Variants in AGAP1 observed in about 807,000 individuals in gnomAD.
The protein encoded by AGAP1 is ArfGAP with GTPase domain, ankyrin repeat and PH domain 1.
Under a neutral mutation model 105.3 loss-of-function variants are expected in AGAP1, and 29 were observed. That is an observed-to-expected ratio of 0.28 (90% CI 0.21 to 0.38). The LOEUF is 0.38. AGAP1 is among the 10% of genes least tolerant of loss of function. The pLI, the probability that AGAP1 is intolerant of heterozygous loss-of-function variation, is 1.00. For missense variants in AGAP1, 998 were observed against 1,165.1 expected (o/e 0.86, Z 2.09); for synonymous variants, 509 against 485.9 (o/e 1.05, Z -0.63).
chr2:235,561,668 A>T (rs1944157419), intron 1 of AGAP1, among the ~76,000 whole-genome samples: 1 of 152,176 alleles, frequency 6.6e-6, no homozygotes, highest in Non-Finnish European at 1.5e-5. Context: ...TTACTTAGCT[A>T]ATTCAGTATT....
Position 236,107,179 on chromosome 2 carries a change from T to C in AGAP1, c.2115-13013T>C, listed in dbSNP as rs187783134. Among the ~76,000 whole-genome samples, 3 of 137,784 alleles carry C rather than the reference T, an allele frequency of 2.2e-5. No homozygotes were observed. In the Admixed American group the frequency reaches 2.2e-4, roughly 10 times the overall value. 90.4% of individuals were successfully genotyped at this position (137,784 alleles called of 152,430 possible). ...TTCAGAGGCAGCAGGCCTTGAATCA[T>C]TGAGCCTCCAGAGGGAAAACTGAAG... On this transcript the variant is annotated intron_variant, in intron 16 of 17. Coordinates refer to ENST00000304032, the MANE Select transcript of AGAP1 (RefSeq NM_001037131.3).
Position 235,559,892 on chromosome 2 carries a change from C to G in AGAP1, c.163+65043C>G, listed in dbSNP as rs1452802442. On this transcript the variant is annotated intron_variant, in intron 1 of 17. Coordinates refer to ENST00000304032, the MANE Select transcript of AGAP1 (RefSeq NM_001037131.3). The surrounding 1 kb of genome is among the most constrained non-coding windows in gnomAD (Gnocchi z 5.7). ...ATTTATGGATTCTGGATACTAGACA[C>G]TTATTAGATATATGATTTGCAAATA... is the stretch of plus-strand genomic sequence containing the variant. Among the ~76,000 whole-genome samples, 3 of 152,068 alleles carry G rather than the reference C, an allele frequency of 2.0e-5. No individual in the cohort carries two copies. Among genetic ancestry groups the G allele is most frequent in the African/African-American group, 4.8e-5 (2 of 41,416 alleles).
intron 16 of AGAP1, among the ~76,000 whole-genome samples, chr2:236,068,582 C>T (rs1024211932): frequency 8.0e-5 from 12 of 150,282 alleles, no homozygotes; most frequent in East Asian, 2.0e-4. Flanking sequence ...GGGCGGATCA[C>T]GAGGTCAGGA....
Position 235,769,451 on chromosome 2 carries a change from T to C in AGAP1, c.673+18963T>C, listed in dbSNP as rs1955240095. On this transcript the variant is annotated intron_variant, in intron 6 of 17. Transcript: ENST00000304032. The surrounding 1 kb of genome is among the most constrained non-coding windows in gnomAD (Gnocchi z 4.4). ...TGCTACTAAATAATGTTTTAAGGAA[T>C]TGGAGTTTTGCGAGGAGATGGTGAC... Among the ~76,000 whole-genome samples, 3 of 152,244 alleles carry C rather than the reference T, an allele frequency of 2.0e-5. No individual in the cohort carries two copies. Among genetic ancestry groups the C allele is most frequent in the African/African-American group, 7.2e-5 (3 of 41,458 alleles).
rs2049123654 is a variant in AGAP1 at position 235,865,508 on chromosome 2, A to G, written c.1051-17837A>G. On this transcript the variant is annotated intron_variant, in intron 9 of 17. Coordinates refer to ENST00000304032, the MANE Select transcript of AGAP1 (RefSeq NM_001037131.3). This position sits in a 1 kb window ranked among gnomAD's most constrained non-coding sequence, Gnocchi z 6.2. ...GTGCCCTGCAACCTGGCACAACGAC[A>G]GAAATATTACTCGCCGGAAAGGGGA... Among the ~76,000 whole-genome samples, 1 of 152,226 alleles carries G rather than the reference A, an allele frequency of 6.6e-6. No homozygotes were observed. The highest frequency in any genetic ancestry group is 1.5e-5 in the Non-Finnish European group (1 of 68,040).
In AGAP1 at chr2:235,970,463, C is replaced by G. The variant is rs949994561; in HGVS notation, c.1645+1840C>G. Among the ~76,000 whole-genome samples, 1 of 152,090 alleles carries G rather than the reference C, an allele frequency of 6.6e-6. No homozygotes were observed. The highest frequency in any genetic ancestry group is 1.5e-5 in the Non-Finnish European group (1 of 68,014). ...TGATTGGGAAGAAGGTTAGCCTCCC[C>G]CAGGGTGGGCAGCCTGTACCCTCCA... On this transcript the variant is annotated intron_variant, in intron 13 of 17. Transcript: ENST00000304032. This position sits in a 1 kb window ranked among gnomAD's most constrained non-coding sequence, Gnocchi z 5.4.
At chr2:236,069,717 C>G (rs1387630270) in intron 16 of AGAP1, among the ~76,000 whole-genome samples, 1 of 152,180 alleles carries the variant, frequency 6.6e-6, no homozygotes, top group Admixed American at 6.5e-5. Flanking sequence ...AGCCACTGCA[C>G]CTGGAAATGT....
At position 235,867,574 on chromosome 2, in the gene AGAP1, T is replaced by TGTGTGTGTGTGC. The variant is rs1380487646; in HGVS notation, c.1051-15770_1051-15769insTGTGTGTGTGCG. ...GTGTGTGTGTGTGTGTGTGTGTGTG[T>TGTGTGTGTGTGC]GCAAGTGAGGGAGGGTGACCCCCAC... On this transcript the variant is annotated intron_variant, in intron 9 of 17. Transcript: ENST00000304032. This position sits in a 1 kb window ranked among gnomAD's most constrained non-coding sequence, Gnocchi z 5.4. Among the ~76,000 whole-genome samples the TGTGTGTGTGTGC allele has an allele frequency of 2.3e-4, 34 of 147,702 alleles. No individual in the cohort carries two copies. Among genetic ancestry groups the TGTGTGTGTGTGC allele is most frequent in the East Asian group, 8.1e-4 (4 of 4,924 alleles).
Position 235,577,775 on chromosome 2 carries a change from G to A in AGAP1, c.163+82926G>A, listed in dbSNP as rs1944783531. Among the ~76,000 whole-genome samples the A allele has an allele frequency of 6.6e-6, 1 of 152,148 alleles. No individual in the cohort carries two copies. The highest frequency in any genetic ancestry group is 1.5e-5 in the Non-Finnish European group (1 of 68,028). On this transcript the variant is annotated intron_variant, in intron 1 of 17. Transcript: ENST00000304032. This position sits in a 1 kb window ranked among gnomAD's most constrained non-coding sequence, Gnocchi z 4.5. ...AGGCTTGTCTGCTGGCCTCCCCCGG[G>A]AGAGAGAGTAGGTTTGCTATTCCTG...
chr2:236,021,856 C>G (rs1221583945), intron 13 of AGAP1, among the ~76,000 whole-genome samples: 3 of 151,758 alleles, frequency 2.0e-5, no homozygotes, highest in Admixed American at 2.0e-4. Flanking sequence ...TTAAGGAGTT[C>G]GAGACCAGCC....
In AGAP1 at chr2:235,599,736, C is replaced by T. The variant is rs529765887; in HGVS notation, c.163+104887C>T. Among the ~76,000 whole-genome samples, 1 of 152,276 alleles carries T rather than the reference C, an allele frequency of 6.6e-6. No homozygotes were observed. The highest frequency in any genetic ancestry group is 2.1e-4 in the South Asian group (1 of 4,820). ...CCTTTCTGGGTCCCACGTGATTCTA[C>T]CTGATCGCTGGCTCTCTAGGGCTTT... On this transcript the variant is annotated intron_variant, in intron 1 of 17. Transcript: ENST00000304032. The surrounding 1 kb of genome is among the most constrained non-coding windows in gnomAD (Gnocchi z 5.3).
intron 11 of AGAP1, among the ~76,000 whole-genome samples, chr2:235,915,167 C>T (rs1283268670): frequency 1.3e-5 from 2 of 152,080 alleles, no homozygotes; most frequent in South Asian, 2.1e-4. Flanking sequence ...CAGAGAAAAC[C>T]CCTTCATCTG....
At chr2:235,821,865 C>T (rs924817330) in intron 9 of AGAP1, among the ~76,000 whole-genome samples, 3 of 152,216 alleles carry the variant, frequency 2.0e-5, no homozygotes, top group Admixed American at 2.0e-4. Flanking sequence ...GACCTTGACA[C>T]TATTTTAGGA....
rs2125700766 is a variant in AGAP1 at position 236,046,564 on chromosome 2, T to C, written c.1892-2495T>C. Among the ~76,000 whole-genome samples, 1 of 152,300 alleles carries C rather than the reference T, an allele frequency of 6.6e-6. No individual in the cohort carries two copies. The highest frequency in any genetic ancestry group is 1.9e-4 in the East Asian group (1 of 5,170). On this transcript the variant is annotated intron_variant, in intron 15 of 17. Coordinates refer to ENST00000304032, the MANE Select transcript of AGAP1 (RefSeq NM_001037131.3). The surrounding 1 kb of genome is among the most constrained non-coding windows in gnomAD (Gnocchi z 5.2). Reference sequence around the variant, plus strand: ...GGACAGGAGGGACCTGGCAGAAGAATGCATTTGCAGAGTGGATGTTGACTA... The same window carrying C: ...GGACAGGAGGGACCTGGCAGAAGAACGCATTTGCAGAGTGGATGTTGACTA...
rs757813512 is a variant in AGAP1, at chr2:236,035,062, C to A, written c.1646-1499C>A. ...CTGCAGGCGCATTGTGAGGAAGGGCCTGGGAGAGCCAGTCTAGGTGAGGTC... is the reference window on the plus strand; with the variant it reads ...CTGCAGGCGCATTGTGAGGAAGGGCATGGGAGAGCCAGTCTAGGTGAGGTC... On this transcript the variant is annotated intron_variant, in intron 13 of 17. Transcript: ENST00000304032. The surrounding 1 kb of genome is among the most constrained non-coding windows in gnomAD (Gnocchi z 4.2). Among the ~76,000 whole-genome samples, 30 of 152,114 alleles carry A rather than the reference C, an allele frequency of 2.0e-4. No individual in the cohort carries two copies. The highest frequency in any genetic ancestry group is 3.3e-4 in the Admixed American group (5 of 15,276).
At chr2:235,790,799 C>G (rs1018974164) in intron 6 of AGAP1, among the ~76,000 whole-genome samples, 1 of 152,216 alleles carries the variant, frequency 6.6e-6, no homozygotes, top group Admixed American at 6.5e-5. Context: ...AAGTTAAATA[C>G]AGCATGGCCT....
intron 16 of AGAP1, among the ~76,000 whole-genome samples, chr2:236,065,582 C>CA (rs2058324738): frequency 6.6e-6 from 1 of 152,254 alleles, no homozygotes; most frequent in African/African-American, 2.4e-5. Context: ...GGGAGGCCCA[C>CA]AGGGGCTGCA....
rs377170250 is a variant in AGAP1 at position 235,771,997 on chromosome 2, A to ACC, written c.673+21509_673+21510insCC. 3.0e-4 allele frequency among the ~76,000 whole-genome samples: 39 copies of ACC among 131,692 alleles called. 1 individual carries two copies. The highest frequency in any genetic ancestry group is 1.1e-3 in the African/African-American group (36 of 34,030). 86.4% of individuals were successfully genotyped at this position (131,692 alleles called of 152,430 possible). ...TGTTTCTTTTTTTTTTTCTTTTCTT[A>ACC]TCTTTTTTTTTTTTTTGAGTTGGAG... On this transcript the variant is annotated intron_variant, in intron 6 of 17. Transcript: ENST00000304032.
Position 235,912,207 on chromosome 2 carries a change from C to T in AGAP1, c.1324+3301C>T, listed in dbSNP as rs78497809. Among the ~76,000 whole-genome samples the T allele has an allele frequency of 2.1e-4, 32 of 152,334 alleles. 1 individual carries two copies. The East Asian group carries it at 6.2e-3, about 29-fold the overall frequency. On this transcript the variant is annotated intron_variant, in intron 11 of 17. Transcript: ENST00000304032. ...GAATCTGTAAAGTGATACGTTCTTT[C>T]TTGCTTAAGAAATTAAAGCATTTGG...
Sources: allele counts gnomAD v4.1 joint callset (sites outside exome capture counted in the v4.1 genomes callset), GRCh38; gene constraint gnomAD v4.1.1; non-coding constraint Gnocchi (gnomAD v3.1); transcripts MANE v1.5; gene names NCBI Gene and HGNC (gene_info 2026-07-23, HGNC 2026-07-21).